The following TENM3 variants were observed in gnomAD, a reference collection of about 807,000 sequenced individuals.
TENM3 encodes the protein teneurin transmembrane protein 3.
In TENM3, 63 loss-of-function variants were observed where a neutral mutation model predicts 255.1. The ratio of observed to expected loss-of-function variants is 0.25; its 90% CI spans 0.20 to 0.30. TENM3 has a LOEUF of 0.30. Among genes scored for constraint, TENM3 ranks in the 10% least tolerant of loss-of-function variants. The pLI, the probability that TENM3 is intolerant of heterozygous loss-of-function variation, is 1.00. For synonymous variants in TENM3, 1,306 were observed against 1,322.3 expected, an observed-to-expected ratio of 0.99 and a Z score of 0.27; for missense variants, 2,929 against 3,461.1, an observed-to-expected ratio of 0.85 and a Z score of 3.86.
At chr4:182,767,056 C>T (rs1292231790) in intron 22 of TENM3, among the ~76,000 whole-genome samples, 2 of 152,078 alleles carry the variant, frequency 1.3e-5, no homozygotes, top group East Asian at 1.9e-4. Flanking sequence ...ATGATGTGGG[C>T]GTAGGCGACT....
chr4:182,230,635 G>A (rs1756496281), intron 1 of TENM3, among the ~76,000 whole-genome samples: 1 of 151,478 alleles, frequency 6.6e-6, no homozygotes, highest in African/African-American at 2.4e-5. Context: ...CTCCCCATCT[G>A]CACCCTTCCT....
chr4:182,459,335 A>T (rs74727267), intron 3 of TENM3, among the ~76,000 whole-genome samples: 2,546 of 152,244 alleles, frequency 0.017, 94 homozygotes, highest in African/African-American at 0.058. Flanking sequence ...AATAGTATTC[A>T]TCTCGGTGAA....
the TENM3 span, among the ~76,000 whole-genome samples, chr4:182,053,990 T>G: frequency 2.6e-5 from 4 of 152,150 alleles, no homozygotes; most frequent in Non-Finnish European, 5.9e-5. Flanking sequence ...GTTGAAGACA[T>G]AAGATGATCA....
At chr4:182,164,816 C>T (rs371925326) in intron 1 of TENM3, among the ~76,000 whole-genome samples, 41 of 152,230 alleles carry the variant, frequency 2.7e-4, no homozygotes, top group African/African-American at 5.5e-4. Context: ...TACTTCAGAC[C>T]GCTAGTTCCA....
chr4:182,265,722 A>G (rs996841062), intron 1 of TENM3, among the ~76,000 whole-genome samples: 3 of 152,264 alleles, frequency 2.0e-5, no homozygotes, highest in African/African-American at 4.8e-5. Flanking sequence ...GTGTAGCTAT[A>G]TATGTGTTGT....
At chr4:182,371,901 A>AGTC (rs143803680) in intron 3 of TENM3, among the ~76,000 whole-genome samples, 9,932 of 152,246 alleles carry the variant, frequency 0.065, 552 homozygotes, top group African/African-American at 0.15. Flanking sequence ...ACACCCTAAA[A>AGTC]GTCGATGCAA....
intron 1 of TENM3, among the ~76,000 whole-genome samples, chr4:182,248,331 G>GA (rs199981122): frequency 2.0e-5 from 3 of 151,588 alleles, no homozygotes; most frequent in Admixed American, 6.6e-5. Flanking sequence ...TATTGTCAAA[G>GA]AAAAAAAATG....
chr4:181,999,377 C>T, the TENM3 span, among the ~76,000 whole-genome samples: 1 of 152,102 alleles, frequency 6.6e-6, no homozygotes, highest in African/African-American at 2.4e-5. Flanking sequence ...CTGAGACTGG[C>T]CTAAGGTATT....
the TENM3 span, among the ~76,000 whole-genome samples, chr4:181,827,353 A>G: frequency 6.6e-6 from 1 of 152,156 alleles, no homozygotes; most frequent in Non-Finnish European, 1.5e-5. Context: ...GAAACAAACT[A>G]TGTAGAGTTC....
intron 3 of TENM3, among the ~76,000 whole-genome samples, chr4:182,359,852 G>T (rs1223894960): frequency 6.6e-6 from 1 of 150,696 alleles, no homozygotes; most frequent in African/African-American, 2.4e-5. Flanking sequence ...TCTCTTGTGG[G>T]CATTTAGTGC....
chr4:182,169,360 A>G (rs1460502740), intron 1 of TENM3: 1 of 467,638 alleles, frequency 2.1e-6, no homozygotes, highest in Non-Finnish European at 4.4e-6. Context: ...CTCTAATGGG[A>G]GAGACAGCAG....
chr4:182,783,875 C>A (rs1191838488), intron 24 of TENM3, among the ~76,000 whole-genome samples: 27 of 151,938 alleles, frequency 1.8e-4, no homozygotes, highest in African/African-American at 6.5e-4. Context: ...GCATTCTTCA[C>A]GTAGTTCTCG....
the TENM3 span, among the ~76,000 whole-genome samples, chr4:181,953,327 C>T: frequency 6.6e-6 from 1 of 151,950 alleles, no homozygotes; most frequent in Non-Finnish European, 1.5e-5. Context: ...TGTCAAGGGA[C>T]CATACTTCAT....
At chr4:182,647,533 C>T (rs899063036) in intron 5 of TENM3, among the ~76,000 whole-genome samples, 3 of 152,116 alleles carry the variant, frequency 2.0e-5, no homozygotes, top group African/African-American at 7.2e-5. Flanking sequence ...GTTTGCATGT[C>T]GCATTCTATA....
chr4:181,742,800 A>G, the TENM3 span, among the ~76,000 whole-genome samples: 1 of 150,720 alleles, frequency 6.6e-6, no homozygotes. Flanking sequence ...AGCATTAGGT[A>G]TATCTCCCAA....
At chr4:181,824,243 A>G in the TENM3 span, among the ~76,000 whole-genome samples, 1 of 150,330 alleles carries the variant, frequency 6.7e-6, no homozygotes, top group Non-Finnish European at 1.5e-5. Flanking sequence ...CTGAAACTAC[A>G]GGTGTGCACC....
intron 1 of TENM3, among the ~76,000 whole-genome samples, chr4:182,233,189 A>G (rs1756686980): frequency 6.6e-6 from 1 of 152,132 alleles, no homozygotes; most frequent in African/African-American, 2.4e-5. Flanking sequence ...GGAGAGCCCC[A>G]AACAGCGGTG....
At chr4:182,592,068 T>C (rs1267366254) in intron 3 of TENM3, among the ~76,000 whole-genome samples, 2 of 151,980 alleles carry the variant, frequency 1.3e-5, no homozygotes, top group African/African-American at 2.4e-5. Flanking sequence ...ATTTTAATGG[T>C]AATTTACTGT....
intron 3 of TENM3, among the ~76,000 whole-genome samples, chr4:182,565,952 C>T (rs1278556763): frequency 6.6e-6 from 1 of 152,162 alleles, no homozygotes; most frequent in Non-Finnish European, 1.5e-5. Context: ...CCTAGATCCA[C>T]CACTCTGATC....
Sources: allele counts gnomAD v4.1 joint callset (sites outside exome capture counted in the v4.1 genomes callset), GRCh38; gene constraint gnomAD v4.1.1; transcripts MANE v1.5; gene names NCBI Gene and HGNC (gene_info 2026-07-23, HGNC 2026-07-21).